RCSD1: variants seen among roughly 807,000 people sequenced by gnomAD.
RCSD1 encodes the protein capZ-interacting protein.
Under a neutral mutation model 42.5 loss-of-function variants are expected in RCSD1, and 26 were observed. The observed-to-expected ratio is 0.61, with a 90% CI of 0.45 to 0.85. The LOEUF is 0.85. RCSD1 is among the 40% of genes least tolerant of loss of function. The probability of loss-of-function intolerance (pLI) is 0.00; values close to 1 mark genes in which losing one functional copy is unlikely to be tolerated. For synonymous variants in RCSD1, 220 were observed against 212.2 expected (o/e 1.04, Z -0.32); for missense variants, 571 against 528.3 (o/e 1.08, Z -0.79).
chr1:167,694,866 T>A (rs559985812), intron 5 of RCSD1, among the ~76,000 whole-genome samples: 2 of 152,164 alleles, frequency 1.3e-5, no homozygotes, highest in Non-Finnish European at 2.9e-5. Context: ...CCTGATCCTC[T>A]GTGTGAGCTT....
chr1:167,639,537 G>T (rs866056481), intron 1 of RCSD1, among the ~76,000 whole-genome samples: 8 of 152,076 alleles, frequency 5.3e-5, no homozygotes, highest in Middle Eastern at 6.8e-3. Flanking sequence ...CTGTCTCCCA[G>T]GCTGGAGCGC....
In RCSD1 at chr1:167,688,775, T is replaced by C. The variant is rs577437310; in HGVS notation, c.199-1274T>C. Among the ~76,000 whole-genome samples the C allele has an allele frequency of 3.3e-5, 5 of 152,262 alleles. No homozygotes were observed. In the South Asian group the frequency reaches 1.0e-3, roughly 32 times the overall value. ...CTTCCTAAGAGATCAGTGTAGTTCT[T>C]CTTATTGTTCAGGAAAATTAGTACA... is the stretch of plus-strand genomic sequence containing the variant. On this transcript the variant is annotated intron_variant, in intron 3 of 6. Coordinates refer to ENST00000367854, the MANE Select transcript of RCSD1 (RefSeq NM_052862.4).
chr1:167,656,849 T>C (rs765533936), intron 1 of RCSD1, among the ~76,000 whole-genome samples: 30 of 151,926 alleles, frequency 2.0e-4, no homozygotes, highest in Non-Finnish European at 3.7e-4. Context: ...CTAAAGGGGG[T>C]CATTGCTCCC....
intron 1 of RCSD1, among the ~76,000 whole-genome samples, chr1:167,630,979 A>G (rs1185232749): frequency 6.6e-6 from 1 of 152,130 alleles, no homozygotes; most frequent in Admixed American, 6.5e-5. Context: ...TGTCTGTCGC[A>G]TCTTCTTCCA....
Position 167,685,597 on chromosome 1 carries a change from C to G in RCSD1, c.198+87C>G. 5 of 1,043,490 alleles carry G rather than the reference C, an allele frequency of 4.8e-6. No homozygotes were observed. The South Asian group carries it at 6.7e-5, about 14-fold the overall frequency. 64.6% of individuals were successfully genotyped at this position (1,043,490 alleles called of 1,614,324 possible). ...AAAGTTTGGAGGAGGGGGCACCAAA[C>G]TCATACTTTAAAGCTCAGACTCTGT... On this transcript the variant is annotated intron_variant, in intron 3 of 6. Transcript: ENST00000367854.
chr1:167,637,456 T>G (rs188037022), intron 1 of RCSD1, among the ~76,000 whole-genome samples: 1 of 152,292 alleles, frequency 6.6e-6, no homozygotes, highest in African/African-American at 2.4e-5. Context: ...GCTCCTCTAA[T>G]ACAAGGTAGA....
At chr1:167,669,138 A>C (rs1466771974) in intron 1 of RCSD1, among the ~76,000 whole-genome samples, 2 of 152,250 alleles carry the variant, frequency 1.3e-5, no homozygotes, top group Non-Finnish European at 2.9e-5. Context: ...TAATCTAATG[A>C]CTGTGACATC....
At position 167,697,810 on chromosome 1, in the gene RCSD1, G is replaced by A; in HGVS notation, c.1186G>A (p.Val396Ile). The change falls in exon 6 of 7, where the codon GTC (valine) becomes ATC (isoleucine). Residue 396 changes from valine to isoleucine, a missense_variant. Val to Ile is a conservative substitution (Grantham distance 29, BLOSUM62 3). Transcript: ENST00000367854. ...GPAQLETSSE[V>I]QSEPAVPKPE... Reference sequence around the variant, plus strand: ...TGCCCAGCTGGAGACCAGCAGTGAGGTCCAGAGCGAGCCAGCAGTCCCCAA... The same window carrying A: ...TGCCCAGCTGGAGACCAGCAGTGAGATCCAGAGCGAGCCAGCAGTCCCCAA... 6.8e-7 allele frequency: 1 copy of A among 1,469,858 alleles called. No individual in the cohort carries two copies. The highest frequency in any genetic ancestry group is 9.0e-7 in the Non-Finnish European group (1 of 1,110,636). 91.1% of individuals were successfully genotyped at this position (1,469,858 alleles called of 1,614,324 possible).
intron 1 of RCSD1, among the ~76,000 whole-genome samples, chr1:167,670,998 A>G (rs751453655): frequency 2.6e-5 from 4 of 152,160 alleles, no homozygotes; most frequent in Non-Finnish European, 2.9e-5. Flanking sequence ...TAAGATCTCT[A>G]CTTATTTTCA....
At chr1:167,674,649 T>C (rs534824337) in intron 1 of RCSD1, among the ~76,000 whole-genome samples, 2 of 152,344 alleles carry the variant, frequency 1.3e-5, no homozygotes, top group South Asian at 4.1e-4. Context: ...CTATCTCCTC[T>C]AGGCAACTAT....
intron 1 of RCSD1, among the ~76,000 whole-genome samples, chr1:167,648,065 T>C (rs1012204931): frequency 2.0e-5 from 3 of 152,214 alleles, no homozygotes; most frequent in Non-Finnish European, 4.4e-5. Flanking sequence ...GCATAATTCT[T>C]ACATAATTTT....
intron 4 of RCSD1, among the ~76,000 whole-genome samples, chr1:167,691,059 G>A (rs1029606102): frequency 2.6e-5 from 4 of 152,156 alleles, no homozygotes; most frequent in African/African-American, 4.8e-5. Context: ...GTCACTGCCC[G>A]GCTCCTGCTG....
chr1:167,683,907 C>T lies in RCSD1; in HGVS notation c.14C>T (p.Pro5Leu), dbSNP rs375805662. The T allele has an allele frequency of 2.5e-5, 41 of 1,613,988 alleles. No homozygotes were observed. The highest frequency in any genetic ancestry group is 3.3e-5 in the Admixed American group (2 of 59,972). MEER[P>L]AETNANVDNS... is the part of the protein sequence containing the mutation. ...TTCTTCTCCATTTGCCAGGAAAGAC[C>T]GGCAGAGACCAATGCCAATGTGGAC... The change falls in exon 2 of 7, where the codon CCG becomes CTG. Residue 5 changes from proline (P) to leucine (L), a missense_variant. By Grantham distance (98) the Pro-to-Leu change is moderately conservative. Coordinates refer to ENST00000367854, the MANE Select transcript of RCSD1 (RefSeq NM_052862.4).
chr1:167,656,355 A>G (rs1289363640), intron 1 of RCSD1, among the ~76,000 whole-genome samples: 1 of 152,216 alleles, frequency 6.6e-6, no homozygotes, highest in Non-Finnish European at 1.5e-5. Context: ...TAATAATTAA[A>G]AAGAAATTAA....
intron 4 of RCSD1, among the ~76,000 whole-genome samples, chr1:167,692,951 A>G (rs561239408): frequency 2.6e-5 from 4 of 151,386 alleles, no homozygotes; most frequent in Admixed American, 6.6e-5. Context: ...GAGAGTACAC[A>G]GGGACCAGAT....
At chr1:167,683,062 A>G (rs1168601241) in intron 1 of RCSD1, among the ~76,000 whole-genome samples, 1 of 152,200 alleles carries the variant, frequency 6.6e-6, no homozygotes, top group African/African-American at 2.4e-5. Context: ...CATGAGAATA[A>G]ATGGTGTCCT....
chr1:167,630,280 GCCGGGCGCGCGCCA>G lies in RCSD1; in HGVS notation c.-140_-127del. 1.3e-6 allele frequency: 1 copy of G among 764,480 alleles called. No individual in the cohort carries two copies. The highest frequency in any genetic ancestry group is 6.2e-5 in the East Asian group (1 of 16,076). 47.4% of individuals were successfully genotyped at this position (764,480 alleles called of 1,614,324 possible). A position where few individuals can be genotyped will look rare whatever the true frequency, so the allele number is the denominator to read the frequency against. ...CGGGGCAGTCCCGCAGCCGAGCGCA[GCCGGGCGCGCGCCA>G]CCGCCCACTCGCCCTGTGCCCGCCG... On this transcript the variant is annotated 5_prime_UTR_variant, in exon 1 of 7. Transcript: ENST00000367854.
At chr1:167,677,273 G>A (rs940567449) in intron 1 of RCSD1, among the ~76,000 whole-genome samples, 5 of 152,188 alleles carry the variant, frequency 3.3e-5, no homozygotes, top group Non-Finnish European at 7.3e-5. Flanking sequence ...TCAGGAAGGG[G>A]TGATTAAATG....
In RCSD1 at chr1:167,630,316, G is replaced by A. The variant is rs972575605; in HGVS notation, c.-108G>A. 7.3e-6 allele frequency: 9 copies of A among 1,228,164 alleles called. No individual in the cohort carries two copies. In the African/African-American group the frequency reaches 7.8e-5, roughly 11 times the overall value. 76.1% of individuals were successfully genotyped at this position (1,228,164 alleles called of 1,614,324 possible). A position where few individuals can be genotyped will look rare whatever the true frequency, so the allele number is the denominator to read the frequency against. On this transcript the variant is annotated 5_prime_UTR_variant, in exon 1 of 7. Coordinates refer to ENST00000367854, the MANE Select transcript of RCSD1 (RefSeq NM_052862.4). The stretch of plus-strand genomic sequence containing the variant: ...GCCACCGCCCACTCGCCCTGTGCCC[G>A]CCGCAGCCCGAAACTGGCCACGGCC...
Sources: gnomAD v4.1 joint callset for allele counts (sites outside exome capture counted in the v4.1 genomes callset) on GRCh38, gnomAD v4.1.1 for gene constraint, MANE v1.5 for transcripts, NCBI Gene and HGNC (gene_info 2026-07-23, HGNC 2026-07-21) for gene names.